NBAS: variants seen among roughly 807,000 people sequenced by gnomAD.
The protein encoded by NBAS is NAG/BC035112 fusion.
NBAS carries 219 observed loss-of-function variants against 302.5 expected under a neutral mutation model. That is an observed-to-expected ratio of 0.72 (90% confidence interval 0.65 to 0.81). NBAS has a LOEUF of 0.81. Ranked by LOEUF, NBAS falls within the 30% of genes least tolerant of loss-of-function variation. NBAS has a pLI of 0.00. For synonymous variants in NBAS, 1,118 were observed against 1,021.6 expected (o/e 1.09, Z -1.80); for missense variants, 2,932 against 2,841.6 (o/e 1.03, Z -0.72).
At chr2:15,318,159 G>A (rs934488442) in intron 38 of NBAS, among the ~76,000 whole-genome samples, 4 of 152,168 alleles carry the variant, frequency 2.6e-5, no homozygotes, top group African/African-American at 9.7e-5. Flanking sequence ...AGCTTCATAA[G>A]GGAAGGAGAA....
chr2:15,502,003 T>C (rs1661594014), intron 11 of NBAS, among the ~76,000 whole-genome samples: 1 of 152,198 alleles, frequency 6.6e-6, no homozygotes, highest in African/African-American at 2.4e-5. Flanking sequence ...TTCTAAGATA[T>C]TAAGTAATTT....
chr2:15,176,481 A>G (rs545202800), intron 51 of NBAS, among the ~76,000 whole-genome samples: 8 of 150,754 alleles, frequency 5.3e-5, no homozygotes, highest in African/African-American at 2.0e-4. Context: ...ACACACACAC[A>G]TACACTCAAG....
the NBAS span, among the ~76,000 whole-genome samples, chr2:14,901,542 G>A: frequency 6.6e-6 from 1 of 151,976 alleles, no homozygotes; most frequent in Non-Finnish European, 1.5e-5. Flanking sequence ...GAGAAAAATG[G>A]ATCTTCTAAT....
chr2:14,983,470 A>G, the NBAS span, among the ~76,000 whole-genome samples: 132 of 152,238 alleles, frequency 8.7e-4, no homozygotes, highest in African/African-American at 3.1e-3. Flanking sequence ...CTTGTCTCAC[A>G]GGGCGGCAAG....
At chr2:15,092,875 C>T in the NBAS span, among the ~76,000 whole-genome samples, 1 of 152,150 alleles carries the variant, frequency 6.6e-6, no homozygotes, top group South Asian at 2.1e-4. Context: ...GGTGAGTCAC[C>T]GCTGATCCTT....
At chr2:15,473,573 G>A (rs540771618) in intron 15 of NBAS, among the ~76,000 whole-genome samples, 39 of 152,308 alleles carry the variant, frequency 2.6e-4, no homozygotes, top group Middle Eastern at 3.4e-3. Flanking sequence ...CAAAGCTCTC[G>A]TTTTAGAGTA....
At chr2:15,491,612 T>C (rs1680858576) in intron 11 of NBAS, among the ~76,000 whole-genome samples, 1 of 152,006 alleles carries the variant, frequency 6.6e-6, no homozygotes, top group Non-Finnish European at 1.5e-5. Context: ...GGTGGGCGCC[T>C]GTAGTCCCAA....
rs555240196 is a variant in NBAS, at chr2:15,386,665, C to T, written c.3258-3348G>A. On this transcript the variant is annotated intron_variant, in intron 28 of 51. Coordinates refer to ENST00000281513, the MANE Select transcript of NBAS (RefSeq NM_015909.4). The stretch of plus-strand genomic sequence containing the variant: ...CATAGCAGCATCTCCACCTACTGTC[C>T]GGCAAGCACCTCCAAGTCATAGTTA... Among the ~76,000 whole-genome samples the T allele has an allele frequency of 2.8e-4, 42 of 152,208 alleles. No homozygotes were observed. The South Asian group carries it at 6.8e-3, about 25-fold the overall frequency.
At position 15,179,224 on chromosome 2, in the gene NBAS, T is replaced by C. The variant is rs1664707203; in HGVS notation, c.6712-108A>G. On this transcript the variant is annotated intron_variant, in intron 50 of 51. Coordinates refer to ENST00000281513, the MANE Select transcript of NBAS (RefSeq NM_015909.4). Reference sequence around the variant, plus strand: ...TTTTCTGTGGTAGCGTGTGTGTGTGTGTGTAAAGCCACATATGGTACCGCA... The same window carrying C: ...TTTTCTGTGGTAGCGTGTGTGTGTGCGTGTAAAGCCACATATGGTACCGCA... 3.2e-6 allele frequency: 5 copies of C among 1,548,240 alleles called. No individual in the cohort carries two copies. In the South Asian group the frequency reaches 4.6e-5, roughly 14 times the overall value.
chr2:15,443,880 G>T (rs1223028252), intron 21 of NBAS, among the ~76,000 whole-genome samples: 2 of 152,030 alleles, frequency 1.3e-5, no homozygotes, highest in Non-Finnish European at 2.9e-5. Flanking sequence ...GAGAGCCAAA[G>T]CATGAGAGAA....
chr2:15,554,606 G>A (rs1213574811), intron 3 of NBAS, among the ~76,000 whole-genome samples: 1 of 147,754 alleles, frequency 6.8e-6, no homozygotes, highest in Non-Finnish European at 1.5e-5. Context: ...CTCAAAACAG[G>A]ACTTAGCACA....
At position 15,287,194 on chromosome 2, in the gene NBAS, G is replaced by A; in HGVS notation, c.5028-11C>T. The stretch of plus-strand genomic sequence containing the variant: ...CTTTCCTCTAGAGTTCTGCAGAAAT[G>A]TCCATCAAGCCCAGGAAGGGAGAGA... On this transcript the variant is annotated splice_polypyrimidine_tract_variant and intron_variant, in intron 41 of 51. Transcript: ENST00000281513. 1 of 1,603,606 alleles carries A rather than the reference G, an allele frequency of 6.2e-7. No homozygotes were observed. The highest frequency in any genetic ancestry group is 1.7e-5 in the Admixed American group (1 of 59,988).
rs1186129357 is a variant in NBAS at position 15,442,282 on chromosome 2, C to A, written c.2340-14488G>T. Among the ~76,000 whole-genome samples, 1,016 of 145,922 alleles carry A rather than the reference C, an allele frequency of 7.0e-3. 13 individuals carry two copies. The highest frequency in any genetic ancestry group is 0.025 in the African/African-American group (968 of 39,136). ...GCATTCCTCAGCAAATGTAAAAGAG[C>A]AGAAATTATAACAAACTATCTCTCA... On this transcript the variant is annotated intron_variant, in intron 21 of 51. Coordinates refer to ENST00000281513, the MANE Select transcript of NBAS (RefSeq NM_015909.4).
intron 41 of NBAS, among the ~76,000 whole-genome samples, chr2:15,290,549 C>T (rs1370107998): frequency 6.6e-6 from 1 of 152,126 alleles, no homozygotes; most frequent in African/African-American, 2.4e-5. Context: ...TGATAATCAC[C>T]TTCTAAGAAA....
intron 47 of NBAS, among the ~76,000 whole-genome samples, chr2:15,219,520 A>G (rs1343215897): frequency 1.5e-5 from 2 of 134,328 alleles, no homozygotes; most frequent in Non-Finnish European, 3.1e-5. Flanking sequence ...GGGAGTGGTG[A>G]TGACTCTTAA....
the NBAS span, among the ~76,000 whole-genome samples, chr2:15,104,160 T>C: frequency 1.3e-5 from 2 of 152,176 alleles, no homozygotes; most frequent in African/African-American, 2.4e-5. Flanking sequence ...GTTTTATAAA[T>C]GGGAGTTCCC....
chr2:14,902,463 T>C, the NBAS span, among the ~76,000 whole-genome samples: 1 of 152,146 alleles, frequency 6.6e-6, no homozygotes, highest in Non-Finnish European at 1.5e-5. Context: ...TAATATTTCC[T>C]GTAAGAGGAA....
Position 15,424,401 on chromosome 2 carries a change from T to G in NBAS, c.2491A>C (p.Arg831=), listed in dbSNP as rs1677363329. 6.2e-7 allele frequency: 1 copy of G among 1,613,990 alleles called. No homozygotes were observed. ...ACCGTAAGCTGGGTCATCCTGAACC[T>G]TAGTAACTCAGGCTGTGCAGCATAC... ...FLYAAQPELL[R]FRMTQLTVEK... The change falls in exon 23 of 52, where the codon AGG becomes CGG. Residue 831 remains arginine (R), a synonymous_variant. Coordinates refer to ENST00000281513, the MANE Select transcript of NBAS (RefSeq NM_015909.4).
chr2:15,162,440 ACT>A (rs1368656781), downstream of NBAS, among the ~76,000 whole-genome samples: 1 of 152,032 alleles, frequency 6.6e-6, no homozygotes, highest in African/African-American at 2.4e-5. Context: ...GCTTTCCACA[ACT>A]CTGACAGCCA....
Sources: gnomAD v4.1 joint callset for allele counts (sites outside exome capture counted in the v4.1 genomes callset) on GRCh38, gnomAD v4.1.1 for gene constraint, MANE v1.5 for transcripts, NCBI Gene and HGNC (gene_info 2026-07-23, HGNC 2026-07-21) for gene names.